DARS2: variants seen among roughly 807,000 people sequenced by gnomAD.
DARS2 encodes the protein aspartate--tRNA ligase, mitochondrial.
A neutral mutation model predicts 83.0 loss-of-function variants in DARS2; 63 were observed. The ratio of observed to expected loss-of-function variants is 0.76; its 90% CI spans 0.62 to 0.94. The LOEUF is 0.94. DARS2 is among the 40% of genes least tolerant of loss of function. The pLI is 0.00. For synonymous variants in DARS2, 250 were observed against 269.3 expected (o/e 0.93, Z 0.70); for missense variants, 675 against 774.4 (o/e 0.87, Z 1.52).
At chr1:173,843,548 A>G (rs1273906852) in intron 11 of DARS2, among the ~76,000 whole-genome samples, 1 of 152,216 alleles carries the variant, frequency 6.6e-6, no homozygotes, top group Non-Finnish European at 1.5e-5. Context: ...CAACAGAGTG[A>G]GACTCCCTCT....
chr1:173,830,833 C>T, intron 4 of DARS2, 72 bp downstream of exon 4: 1 of 1,116,362 alleles, frequency 9.0e-7, no homozygotes, highest in Non-Finnish European at 1.4e-6. Context: ...CACATTCTGG[C>T]AACACATGAC....
At position 173,839,393 on chromosome 1, in the gene DARS2, C is replaced by T. The variant is rs1204227495; in HGVS notation, c.867C>T (p.Asp289=). Reference sequence around the variant, plus strand: ...TTGACATAGAGATGTCATTTGTAGACCAGACTGGGATCCAGAGTTTAATTG... The same window carrying T: ...TTGACATAGAGATGTCATTTGTAGATCAGACTGGGATCCAGAGTTTAATTG... ...TQIDIEMSFV[D]QTGIQSLIEG... Residue 289 remains aspartate (D), a synonymous_variant, in exon 10 of 17, where the codon GAC becomes GAT. Transcript: ENST00000649689. 2 of 1,614,006 alleles carry T rather than the reference C, an allele frequency of 1.2e-6. No individual in the cohort carries two copies. Among genetic ancestry groups the T allele is most frequent in the Admixed American group, 3.3e-5 (2 of 59,990 alleles).
intron 11 of DARS2, among the ~76,000 whole-genome samples, chr1:173,843,893 G>A (rs533690317): frequency 6.6e-6 from 1 of 152,318 alleles, no homozygotes; most frequent in African/African-American, 2.4e-5. Context: ...TGTAGGAGAA[G>A]CAGTTGACAG....
intron 11 of DARS2, among the ~76,000 whole-genome samples, chr1:173,844,669 C>CAAAAAAAAAAAAAAAA (rs549839808): frequency 2.3e-4 from 7 of 29,930 alleles, no homozygotes; most frequent in East Asian, 1.9e-3. Flanking sequence ...GACTCCATCG[C>CAAAAAAAAAAAAAAAA]AAAAAAAAAA....
intron 10 of DARS2, 23 bp downstream of exon 10, chr1:173,839,569 G>A (rs764170420): frequency 1.2e-6 from 2 of 1,608,930 alleles, no homozygotes; most frequent in Non-Finnish European, 8.5e-7. Flanking sequence ...ACTTTTCTAG[G>A]ACTCTGTCCC....
At chr1:173,837,922 C>T (rs201836623) in intron 8 of DARS2, among the ~76,000 whole-genome samples, 3 of 152,070 alleles carry the variant, frequency 2.0e-5, no homozygotes, top group East Asian at 1.9e-4. Flanking sequence ...TACAGGCGCA[C>T]GCCACCCACG....
At chr1:173,830,906 A>C in intron 4 of DARS2, 145 bp downstream of exon 4, 1 of 695,634 alleles carries the variant, frequency 1.4e-6, no homozygotes. Flanking sequence ...CAAAATCTTG[A>C]CTATAAACAA....
chr1:173,852,780 G>A (rs1490506755), intron 13 of DARS2, among the ~76,000 whole-genome samples: 1 of 152,128 alleles, frequency 6.6e-6, no homozygotes, highest in Non-Finnish European at 1.5e-5. Context: ...TGGGATTACA[G>A]GTGTGAGCCA....
Position 173,839,356 on chromosome 1 carries a change from T to TTTGGTTTCAGATTGACATAGAGATGTCA in DARS2, c.841-8_860dup. 6.2e-7 allele frequency: 1 copy of TTTGGTTTCAGATTGACATAGAGATGTCA among 1,613,808 alleles called. No homozygotes were observed. Among genetic ancestry groups the TTTGGTTTCAGATTGACATAGAGATGTCA allele is most frequent in the Non-Finnish European group, 8.5e-7 (1 of 1,179,690 alleles). ...GGCTAAATTAGTTTCCATATGGTAC[T>TTTGGTTTCAGATTGACATAGAGATGTCA]TTGGTTTCAGATTGACATAGAGATG... On this transcript the variant is annotated splice_polypyrimidine_tract_variant and intron_variant, in intron 9 of 16. Coordinates refer to ENST00000649689, the MANE Select transcript of DARS2 (RefSeq NM_018122.5).
chr1:173,839,552 T>TA lies in DARS2; in HGVS notation c.1020+7dup. ...ACACTCGCTTTGGAATGAAGGTACT[T>TA]ATCTTCACTTTTCTAGGACTCTGTC... On this transcript the variant is annotated splice_region_variant and intron_variant, in intron 10 of 16. Coordinates refer to ENST00000649689, the MANE Select transcript of DARS2 (RefSeq NM_018122.5). The TA allele has an allele frequency of 1.2e-6, 2 of 1,613,746 alleles. No homozygotes were observed. Among genetic ancestry groups the TA allele is most frequent in the South Asian group, 1.1e-5 (1 of 91,074 alleles).
At chr1:173,841,094 G>T (rs1166555041) in intron 11 of DARS2, 121 bp downstream of exon 11, 2 of 745,928 alleles carry the variant, frequency 2.7e-6, no homozygotes, top group Non-Finnish European at 4.7e-6. Context: ...AGGGATTTTT[G>T]CTGGGCATGG....
chr1:173,850,392 G>A lies in DARS2; in HGVS notation c.1257G>A (p.Met419Ile). 2 of 1,613,424 alleles carry A rather than the reference G, an allele frequency of 1.2e-6. No individual in the cohort carries two copies. The highest frequency in any genetic ancestry group is 1.7e-6 in the Non-Finnish European group (2 of 1,179,798). Reference protein sequence around the residue: ...NWNSPVANFIMESQRLELIRL... With the variant: ...NWNSPVANFIIESQRLELIRL... Reference sequence around the variant, plus strand: ...ATTCTCCAGTTGCTAATTTCATAATGGAGTCACAAAGACTGGAATTAATCA... The same window carrying A: ...ATTCTCCAGTTGCTAATTTCATAATAGAGTCACAAAGACTGGAATTAATCA... The change falls in exon 13 of 17, where the codon ATG becomes ATA. Residue 419 changes from methionine (M) to isoleucine (I), a missense_variant. Met to Ile is a conservative substitution (Grantham distance 10). Transcript: ENST00000649689.
intron 11 of DARS2, among the ~76,000 whole-genome samples, chr1:173,841,523 A>G (rs1224399371): frequency 6.6e-6 from 1 of 152,032 alleles, no homozygotes; most frequent in East Asian, 1.9e-4. Context: ...CTTTTAAACA[A>G]TGCTATCAGC....
At chr1:173,855,107 T>G in intron 15 of DARS2, among the ~76,000 whole-genome samples, 1 of 73,086 alleles carries the variant, frequency 1.4e-5, no homozygotes, top group African/African-American at 7.8e-5. Context: ...TCTGTTAACT[T>G]TTTTTTTTTT....
intron 4 of DARS2, 54 bp downstream of exon 4, chr1:173,830,815 T>C: frequency 7.4e-7 from 1 of 1,342,872 alleles, no homozygotes; most frequent in East Asian, 2.3e-5. Context: ...ATTTGCACCA[T>C]CTGTGTACAC....
chr1:173,832,762 C>T (rs990212635), intron 5 of DARS2, among the ~76,000 whole-genome samples: 9 of 119,052 alleles, frequency 7.6e-5, no homozygotes, highest in Non-Finnish European at 1.5e-4. Context: ...CAGCAAGACT[C>T]CATCTCAAAA....
At chr1:173,834,739 T>G (rs1286036688) in intron 7 of DARS2, among the ~76,000 whole-genome samples, 7 of 131,272 alleles carry the variant, frequency 5.3e-5, no homozygotes, top group Admixed American at 3.8e-4. Flanking sequence ...TTTGTTTTTT[T>G]TTTTTTTTTT....
chr1:173,831,384 A>C, intron 4 of DARS2, 151 bp from the exon 5 acceptor site: 1 of 739,616 alleles, frequency 1.4e-6, no homozygotes, highest in Non-Finnish European at 2.5e-6. Context: ...AAGAATGTCA[A>C]AATCATGCAC....
intron 7 of DARS2, among the ~76,000 whole-genome samples, chr1:173,834,746 TTTTTTTTTTTTGGTTTGTTTTGG>T (rs1652927036): frequency 7.7e-6 from 1 of 130,216 alleles, no homozygotes; most frequent in African/African-American, 3.5e-5. Context: ...TTTTTTTTTT[TTTTTTTTTTTTGGTTTGTTTTGG>T]GTTTTTTTTT....
Sources: allele counts gnomAD v4.1 joint callset (sites outside exome capture counted in the v4.1 genomes callset), GRCh38; gene constraint gnomAD v4.1.1; transcripts MANE v1.5; gene names NCBI Gene and HGNC (gene_info 2026-07-23, HGNC 2026-07-21).